Variants in ZFAT observed in about 807,000 individuals in gnomAD.
ZFAT encodes the protein zinc finger protein ZFAT.
In ZFAT, 64 loss-of-function variants were observed where a neutral mutation model predicts 117.7. That is an observed-to-expected ratio of 0.54 (90% CI 0.44 to 0.67). ZFAT has a LOEUF of 0.67. Among genes scored for constraint, ZFAT ranks in the 30% least tolerant of loss-of-function variants. ZFAT has a pLI of 0.00. For synonymous variants in ZFAT, 679 were observed against 615.0 expected, an observed-to-expected ratio of 1.10 and a Z score of -1.54; for missense variants, 1,433 against 1,584.5, an observed-to-expected ratio of 0.90 and a Z score of 1.62.
At chr8:134,549,412 G>A (rs1822961911) in intron 11 of ZFAT, among the ~76,000 whole-genome samples, 1 of 146,464 alleles carries the variant, frequency 6.8e-6, no homozygotes, top group Non-Finnish European at 1.5e-5. Context: ...CTGTATTCCA[G>A]CCTGGGCGAC....
chr8:134,737,375 G>A, the ZFAT span, among the ~76,000 whole-genome samples: 2 of 152,212 alleles, frequency 1.3e-5, no homozygotes, highest in African/African-American at 2.4e-5. Context: ...AATGGAGTGA[G>A]GGAATGAAAA....
intron 1 of ZFAT, among the ~76,000 whole-genome samples, chr8:134,680,183 A>C (rs1364324418): frequency 6.8e-6 from 1 of 147,754 alleles, no homozygotes; most frequent in Non-Finnish European, 1.5e-5. Context: ...AATCGCTTGA[A>C]CCCTGGAGGC....
intron 1 of ZFAT, among the ~76,000 whole-genome samples, chr8:134,671,297 C>CA (rs893150365): frequency 6.6e-6 from 1 of 151,958 alleles, no homozygotes; most frequent in African/African-American, 2.4e-5. Context: ...AGAGACACAA[C>CA]AAAAAAAGAG....
the ZFAT span, among the ~76,000 whole-genome samples, chr8:134,786,128 C>T: frequency 6.6e-6 from 1 of 152,190 alleles, no homozygotes; most frequent in Non-Finnish European, 1.5e-5. Flanking sequence ...TCTCTCAACA[C>T]TCACATTAGT....
At chr8:134,688,904 T>C (rs1216197511) in intron 1 of ZFAT, among the ~76,000 whole-genome samples, 1 of 152,136 alleles carries the variant, frequency 6.6e-6, no homozygotes, top group Non-Finnish European at 1.5e-5. Context: ...GTTTCCCCAC[T>C]CTGCTTCCTG....
At chr8:134,504,966 C>T (rs1051655009) in intron 15 of ZFAT, among the ~76,000 whole-genome samples, 1 of 152,214 alleles carries the variant, frequency 6.6e-6, no homozygotes, top group African/African-American at 2.4e-5. Flanking sequence ...ACCCCAGACC[C>T]AGGTACACGG....
At chr8:134,720,214 G>A in the ZFAT span, among the ~76,000 whole-genome samples, 1 of 152,240 alleles carries the variant, frequency 6.6e-6, no homozygotes, top group Non-Finnish European at 1.5e-5. Flanking sequence ...CGGCAACCCT[G>A]CACTGTGCAA....
intron 9 of ZFAT, 84 bp from the exon 10 acceptor site, chr8:134,584,089 T>C (rs369796613): frequency 1.5e-6 from 2 of 1,296,770 alleles, no homozygotes; most frequent in African/African-American, 1.5e-5. Flanking sequence ...TATATATCCA[T>C]ATCTAAATAC....
chr8:134,788,907 GT>G, the ZFAT span, among the ~76,000 whole-genome samples: 1,498 of 150,384 alleles, frequency 1.0e-2, 25 homozygotes, highest in African/African-American at 0.034. Flanking sequence ...GGTTTGCTGT[GT>G]TTTTTTTTCC....
chr8:134,682,622 T>C (rs1418664455), intron 1 of ZFAT, among the ~76,000 whole-genome samples: 1 of 152,162 alleles, frequency 6.6e-6, no homozygotes, highest in African/African-American at 2.4e-5. Context: ...GCCATTGCAC[T>C]CCATTGTGGG....
rs777603767 is a variant in ZFAT at position 134,601,841 on chromosome 8, C to A, written c.1878G>T (p.Thr626=). The A allele has an allele frequency of 2.5e-6, 4 of 1,612,574 alleles. No homozygotes were observed. The African/African-American group carries it at 4.0e-5, about 16-fold the overall frequency. The change falls in exon 6 of 16, where the codon ACG becomes ACT. Residue 626 remains threonine (T), a synonymous_variant. Transcript: ENST00000377838. ...PDMQHRSSVQ[T]QGEVITLLLS... Reference sequence around the variant, plus strand: ...GCAGTAGTGTGATCACTTCACCTTGCGTCTGGACTGAGCTTCTGTGCTGCA... The same window carrying A: ...GCAGTAGTGTGATCACTTCACCTTGAGTCTGGACTGAGCTTCTGTGCTGCA...
intron 10 of ZFAT, among the ~76,000 whole-genome samples, chr8:134,581,202 C>T (rs1270947892): frequency 1.3e-5 from 2 of 151,966 alleles, no homozygotes; most frequent in East Asian, 3.9e-4. Context: ...CATCCTAGAT[C>T]AGCAATGGAG....
chr8:134,525,431 T>A (rs1330744747), intron 12 of ZFAT, among the ~76,000 whole-genome samples: 1 of 152,180 alleles, frequency 6.6e-6, no homozygotes, highest in African/African-American at 2.4e-5. Flanking sequence ...TATTGCTCAT[T>A]AGGGTACTCG....
chr8:134,747,626 A>T, the ZFAT span, among the ~76,000 whole-genome samples: 3 of 152,238 alleles, frequency 2.0e-5, no homozygotes, highest in Non-Finnish European at 2.9e-5. Context: ...AAGCTTGTGA[A>T]ATACATTTAT....
At chr8:134,550,637 T>A (rs554449635) in intron 11 of ZFAT, among the ~76,000 whole-genome samples, 1 of 152,310 alleles carries the variant, frequency 6.6e-6, no homozygotes. Context: ...TTCCAGAGAA[T>A]ATATTGCACA....
At chr8:134,752,076 C>T in the ZFAT span, among the ~76,000 whole-genome samples, 2 of 152,166 alleles carry the variant, frequency 1.3e-5, no homozygotes, top group African/African-American at 2.4e-5. Flanking sequence ...GCTAGATCAA[C>T]TCTAAGATCT....
At chr8:134,658,464 A>T (rs1449577451) in intron 1 of ZFAT, among the ~76,000 whole-genome samples, 1 of 152,202 alleles carries the variant, frequency 6.6e-6, no homozygotes, top group African/African-American at 2.4e-5. Context: ...AGTTGACCAC[A>T]ATAGCATTTC....
At chr8:134,698,897 T>C (rs1041932323) in intron 1 of ZFAT, among the ~76,000 whole-genome samples, 3 of 152,200 alleles carry the variant, frequency 2.0e-5, no homozygotes, top group African/African-American at 7.2e-5. Context: ...AGTCTTCCCA[T>C]TAGAGAGCAA....
intron 2 of ZFAT, among the ~76,000 whole-genome samples, chr8:134,638,549 C>CAAAAAAAAATAAAAA (rs1830374054): frequency 9.9e-6 from 1 of 101,076 alleles, no homozygotes; most frequent in African/African-American, 3.7e-5. Context: ...ACTAAAAATA[C>CAAAAAAAAATAAAAA]AAAAAAAAAA....
Sources: allele counts gnomAD v4.1 joint callset (sites outside exome capture counted in the v4.1 genomes callset), GRCh38; gene constraint gnomAD v4.1.1; transcripts MANE v1.5; gene names NCBI Gene and HGNC (gene_info 2026-07-23, HGNC 2026-07-21).